Variants in HAUS6 observed in about 807,000 individuals in gnomAD.
The protein encoded by HAUS6 is HAUS augmin-like complex subunit 6.
HAUS6 carries 80 observed loss-of-function variants against 106.8 expected under a neutral mutation model. That is an observed-to-expected ratio of 0.75 (90% CI 0.63 to 0.90). The LOEUF is 0.90. Ranked by LOEUF, HAUS6 falls within the 40% of genes least tolerant of loss-of-function variation. The probability of loss-of-function intolerance (pLI) is 0.00; values close to 1 mark genes in which losing one functional copy is unlikely to be tolerated. For missense variants in HAUS6, 1,155 were observed against 1,118.1 expected (o/e 1.03, Z -0.47); for synonymous variants, 356 against 379.1 (o/e 0.94, Z 0.71).
In HAUS6 at chr9:19,053,852, T is replaced by C. The variant is rs1445061566; in HGVS notation, c.*2491A>G. The C allele has an allele frequency of 2.6e-5, 4 of 152,282 alleles. No homozygotes were observed. The highest frequency in any genetic ancestry group is 2.6e-4 in the Admixed American group (4 of 15,296). The allele number at this position is 152,282 out of a possible 1,614,324, so 9.4% of individuals were successfully genotyped here. ...CACATGGCCTTGGGGTATATGTATG[T>C]GTGTGAATACATACTCCCAACACAC... On this transcript the variant is annotated 3_prime_UTR_variant, in exon 17 of 17. Transcript: ENST00000380502.
intron 12 of HAUS6, 97 bp downstream of exon 12, chr9:19,070,118 GACCC>G (rs1188091034): frequency 1.3e-5 from 9 of 697,558 alleles, no homozygotes; most frequent in Non-Finnish European, 2.3e-5. Flanking sequence ...CTCCCCAACA[GACCC>G]AGAAGTCCAG....
At chr9:19,084,320 T>C (rs1837234872) in intron 7 of HAUS6, among the ~76,000 whole-genome samples, 1 of 152,180 alleles carries the variant, frequency 6.6e-6, no homozygotes, top group Non-Finnish European at 1.5e-5. Context: ...GCAAAACTAA[T>C]CTTTAGTGTA....
At chr9:19,098,944 C>G (rs1817923146) in intron 1 of HAUS6, among the ~76,000 whole-genome samples, 1 of 145,414 alleles carries the variant, frequency 6.9e-6, no homozygotes, top group African/African-American at 2.7e-5. Context: ...ATCGCTTGAA[C>G]CTGGGAGGCG....
At chr9:19,057,016 C>T (rs1836488787) in intron 16 of HAUS6, 1 of 152,084 alleles carries the variant, frequency 6.6e-6, no homozygotes, top group South Asian at 2.1e-4. Flanking sequence ...TTTTTTTAAC[C>T]TTTTATGAGG....
Position 19,058,410 on chromosome 9 carries a change from T to C in HAUS6, c.2357A>G (p.His786Arg), listed in dbSNP as rs768525992. The change falls in exon 16 of 17, where the codon CAT becomes CGT. Residue 786 changes from histidine to arginine, a missense_variant. Physicochemically the swap from His to Arg is conservative, Grantham distance 29. This residue lies in a region of HAUS6 where 380 missense variants were observed against 394.8 expected (regional missense o/e 0.96). Transcript: ENST00000380502. ...LHETLPEEVG[H>R]LSFNSSSSSE... ...ACTACTGGAACTATTAAAACTTAGATGACCAACTTCTTCCGGGAGAGTTTC... is the reference window on the plus strand; with the variant it reads ...ACTACTGGAACTATTAAAACTTAGACGACCAACTTCTTCCGGGAGAGTTTC... 1.9e-6 allele frequency: 3 copies of C among 1,613,592 alleles called. No homozygotes were observed. The highest frequency in any genetic ancestry group is 8.5e-7 in the Non-Finnish European group (1 of 1,179,610).
At chr9:19,077,953 C>G (rs1052657460) in intron 10 of HAUS6, among the ~76,000 whole-genome samples, 1 of 151,946 alleles carries the variant, frequency 6.6e-6, no homozygotes, top group Non-Finnish European at 1.5e-5. Context: ...CCCAGCTACT[C>G]AGAAGGCTGA....
chr9:19,071,920 T>C (rs1241577941), intron 11 of HAUS6, among the ~76,000 whole-genome samples: 1 of 150,972 alleles, frequency 6.6e-6, no homozygotes, highest in East Asian at 2.0e-4. Context: ...TAACTATAAA[T>C]GGGCCGAGCC....
At position 19,102,714 on chromosome 9, in the gene HAUS6, C is replaced by T. The variant is rs887313514; in HGVS notation, c.-63G>A. The stretch of plus-strand genomic sequence containing the variant: ...GCAAGCCCAGGGGACTCGGAGGGCC[C>T]TCAAGATCCCTCCCTACGGTCAGCC... On this transcript the variant is annotated 5_prime_UTR_variant, in exon 1 of 17. Coordinates refer to ENST00000380502, the MANE Select transcript of HAUS6 (RefSeq NM_017645.5). 2 of 1,528,262 alleles carry T rather than the reference C, an allele frequency of 1.3e-6. No homozygotes were observed. Among genetic ancestry groups the T allele is most frequent in the African/African-American group, 2.8e-5 (2 of 72,562 alleles). The allele number at this position is 1,528,262 out of a possible 1,614,324, so 94.7% of individuals were successfully genotyped here.
intron 1 of HAUS6, among the ~76,000 whole-genome samples, chr9:19,099,561 C>T (rs1046739859): frequency 1.3e-5 from 2 of 152,118 alleles, no homozygotes; most frequent in Non-Finnish European, 2.9e-5. Context: ...AACTCCTGGG[C>T]TCAAGCAATA....
chr9:19,081,869 G>C (rs556105391), intron 8 of HAUS6, among the ~76,000 whole-genome samples: 1 of 151,918 alleles, frequency 6.6e-6, no homozygotes, highest in Non-Finnish European at 1.5e-5. Flanking sequence ...GCTCTAAGCC[G>C]GCCTGGCCAA....
At chr9:19,102,449 G>A (rs1818009965) in intron 1 of HAUS6, 75 bp downstream of exon 1, 4 of 1,481,302 alleles carry the variant, frequency 2.7e-6, no homozygotes, top group Non-Finnish European at 3.7e-6. Context: ...TCAACCTCCG[G>A]GGTCTACAAA....
At chr9:19,095,519 AT>A (rs1817843489) in intron 2 of HAUS6, among the ~76,000 whole-genome samples, 1 of 151,610 alleles carries the variant, frequency 6.6e-6, no homozygotes, top group Non-Finnish European at 1.5e-5. Flanking sequence ...AAAAAAAAAA[AT>A]TAAAATCTGT....
chr9:19,059,138 G>A, intron 15 of HAUS6, 137 bp from the exon 16 acceptor site: 1 of 604,226 alleles, frequency 1.7e-6, no homozygotes, highest in Non-Finnish European at 2.9e-6. Flanking sequence ...TGGATGATAA[G>A]CCTCCACAAT....
At chr9:19,087,934 T>A (rs1326165898) in intron 5 of HAUS6, among the ~76,000 whole-genome samples, 1 of 151,840 alleles carries the variant, frequency 6.6e-6, no homozygotes, top group African/African-American at 2.4e-5. Flanking sequence ...TCTGTCCTGT[T>A]TAATTCTGTA....
At chr9:19,076,125 T>C (rs888896823) in intron 11 of HAUS6, among the ~76,000 whole-genome samples, 29 of 151,408 alleles carry the variant, frequency 1.9e-4, no homozygotes, top group African/African-American at 7.0e-4. Context: ...TTTGGGAGGC[T>C]GAGACGGGTC....
chr9:19,098,632 A>G (rs1817913998), intron 1 of HAUS6, among the ~76,000 whole-genome samples: 1 of 151,956 alleles, frequency 6.6e-6, no homozygotes, highest in Admixed American at 6.6e-5. Context: ...CCTTCTATCT[A>G]TTCTCTGTAA....
chr9:19,087,436 T>C (rs1837324303), intron 5 of HAUS6, among the ~76,000 whole-genome samples: 1 of 152,236 alleles, frequency 6.6e-6, no homozygotes, highest in South Asian at 2.1e-4. Context: ...TACCCAGGAA[T>C]AAATTTAAAT....
intron 1 of HAUS6, among the ~76,000 whole-genome samples, chr9:19,098,135 T>C (rs371226300): frequency 3.2e-4 from 48 of 152,312 alleles, no homozygotes; most frequent in East Asian, 2.7e-3. Flanking sequence ...ATTTGTTCCA[T>C]CGCTAGACTA....
rs542826832 is a variant in HAUS6, at chr9:19,058,356, T to A, written c.2411A>T (p.Asn804Ile). 1.2e-6 allele frequency: 2 copies of A among 1,613,944 alleles called. No homozygotes were observed. Among genetic ancestry groups the A allele is most frequent in the East Asian group, 2.2e-5 (1 of 44,882 alleles). Reference protein sequence around the residue: ...SSEANFKLEPNSPMHGGTLLE... With the variant: ...SSEANFKLEPISPMHGGTLLE... Reference sequence around the variant, plus strand: ...AAGAGTGCCACCATGCATAGGACTATTTGGCTCCAGTTTAAAATTGGCCTC... The same window carrying A: ...AAGAGTGCCACCATGCATAGGACTAATTGGCTCCAGTTTAAAATTGGCCTC... The change falls in exon 16 of 17, where the codon AAT becomes ATT. Residue 804 changes from asparagine to isoleucine, a missense_variant. Asn to Ile is a moderately radical substitution (Grantham distance 149). Around this residue, in one of 3 missense-constraint regions of HAUS6, gnomAD observed 380 missense variants for 394.8 expected, o/e 0.96. Transcript: ENST00000380502.
Sources: allele counts gnomAD v4.1 joint callset (sites outside exome capture counted in the v4.1 genomes callset), GRCh38; gene constraint gnomAD v4.1.1; regional missense constraint gnomAD v4.1.1; transcripts MANE v1.5; gene names NCBI Gene and HGNC (gene_info 2026-07-23, HGNC 2026-07-21).